The following LCOR variants were observed in gnomAD, a reference collection of about 807,000 sequenced individuals.
LCOR encodes the protein ligand-dependent corepressor.
A neutral mutation model predicts 64.4 loss-of-function variants in LCOR; 14 were observed. The observed-to-expected ratio is 0.22, with a 90% CI of 0.14 to 0.34. The LOEUF (loss-of-function observed/expected upper bound fraction) is 0.34, where lower values mean the gene tolerates loss of function less well. LCOR is among the 10% of genes least tolerant of loss of function. The pLI, the probability that LCOR is intolerant of heterozygous loss-of-function variation, is 1.00. For synonymous variants in LCOR, 643 were observed against 642.5 expected (o/e 1.00, Z -0.01); for missense variants, 1,686 against 1,765.3 (o/e 0.96, Z 0.80).
chr10:96,956,074 AT>A, intron 7 of LCOR: 4 of 1,439,584 alleles, frequency 2.8e-6, no homozygotes, highest in Non-Finnish European at 3.6e-6. Context: ...TGAAATGTGC[AT>A]TCTGAATGTT....
At position 96,991,432 on chromosome 10, in the gene LCOR, C is replaced by T. The variant is rs1314327238; in HGVS notation, c.*6298C>T. ...CTTCATTTTTATGAATCAGAGTGAA[C>T]TTGACTGTGGTAGACATTCCATTAA... On this transcript the variant is annotated 3_prime_UTR_variant, in exon 8 of 8. Coordinates refer to ENST00000421806, the MANE Select transcript of LCOR (RefSeq NM_001346516.2). The T allele has an allele frequency of 6.6e-6, 1 of 152,166 alleles. No individual in the cohort carries two copies. The highest frequency in any genetic ancestry group is 6.5e-5 in the Admixed American group (1 of 15,280). 9.4% of individuals were successfully genotyped at this position (152,166 alleles called of 1,614,324 possible). A position where few individuals can be genotyped will look rare whatever the true frequency, so the allele number is the denominator to read the frequency against.
At chr10:96,862,174 A>C (rs1025527977) in intron 2 of LCOR, among the ~76,000 whole-genome samples, 43 of 151,706 alleles carry the variant, frequency 2.8e-4, no homozygotes, top group Non-Finnish European at 2.8e-4. Context: ...TGGGCACACT[A>C]CTCTCCAGGA....
intron 2 of LCOR, among the ~76,000 whole-genome samples, chr10:96,887,061 T>G (rs953396854): frequency 6.6e-6 from 1 of 152,196 alleles, no homozygotes; most frequent in Non-Finnish European, 1.5e-5. Context: ...AGGTCAGAAT[T>G]CTTTTCATGA....
intron 4 of LCOR, among the ~76,000 whole-genome samples, chr10:96,934,521 A>G (rs992401621): frequency 2.0e-4 from 30 of 152,192 alleles, no homozygotes; most frequent in Non-Finnish European, 3.8e-4. Flanking sequence ...GAGCCAGCCA[A>G]TCTAGGTGGC....
At chr10:96,839,747 G>A (rs897616248) in intron 2 of LCOR, among the ~76,000 whole-genome samples, 3 of 151,702 alleles carry the variant, frequency 2.0e-5, no homozygotes, top group Admixed American at 6.6e-5. Context: ...CTGCAGTGGC[G>A]TGATCATGGC....
chr10:96,871,728 T>G (rs1429290449), intron 2 of LCOR, among the ~76,000 whole-genome samples: 1 of 152,122 alleles, frequency 6.6e-6, no homozygotes, highest in Non-Finnish European at 1.5e-5. Context: ...GCCTGGCCTA[T>G]TTAGACCTTT....
intron 4 of LCOR, among the ~76,000 whole-genome samples, chr10:96,924,741 G>T (rs549083204): frequency 6.6e-6 from 1 of 152,136 alleles, no homozygotes. Context: ...ATGAAAATAA[G>T]TTGTGGACAT....
chr10:96,871,272 G>C (rs887481677), intron 2 of LCOR, among the ~76,000 whole-genome samples: 1 of 150,520 alleles, frequency 6.6e-6, no homozygotes, highest in Non-Finnish European at 1.5e-5. Context: ...GCCCAGGCTA[G>C]TCTCAAACTC....
chr10:96,899,319 A>G (rs988530563), intron 2 of LCOR, among the ~76,000 whole-genome samples: 2 of 152,178 alleles, frequency 1.3e-5, no homozygotes, highest in Non-Finnish European at 2.9e-5. Context: ...AGAATTATAA[A>G]TATCTTAACG....
chr10:96,956,385 C>G (rs1189447430), intron 7 of LCOR: 1 of 984,986 alleles, frequency 1.0e-6, no homozygotes, highest in African/African-American at 1.7e-5. Context: ...AAATTATTCA[C>G]ATTTTTCATC....
intron 2 of LCOR, among the ~76,000 whole-genome samples, chr10:96,891,530 CTTTTTTTTTTTTTTTTTTT>C (rs71007307): frequency 3.9e-4 from 3 of 7,644 alleles, no homozygotes; most frequent in Admixed American, 3.3e-3. Flanking sequence ...TGTCTTGACT[CTTTTTTTTTTTTTTTTTTT>C]TTTTTTTTTT....
chr10:96,965,433 C>T (rs1847938647), intron 7 of LCOR, among the ~76,000 whole-genome samples: 1 of 150,776 alleles, frequency 6.6e-6, no homozygotes, highest in Non-Finnish European at 1.5e-5. Flanking sequence ...GAGGCCGAGG[C>T]GAGCGGATCA....
intron 7 of LCOR, among the ~76,000 whole-genome samples, chr10:96,966,411 G>T (rs1847951671): frequency 1.3e-5 from 2 of 151,584 alleles, no homozygotes; most frequent in Admixed American, 1.3e-4. Flanking sequence ...TGTATTTTTA[G>T]TAGAAACGGG....
Position 96,982,732 on chromosome 10 carries a change from C to T in LCOR, c.2272C>T (p.Pro758Ser). 6.2e-7 allele frequency: 1 copy of T among 1,614,084 alleles called. No individual in the cohort carries two copies. The highest frequency in any genetic ancestry group is 1.1e-5 in the South Asian group (1 of 91,076). Residue 758 changes from proline to serine, a missense_variant, in exon 8 of 8, where the codon CCC becomes TCC. Pro to Ser is a moderately conservative substitution (Grantham distance 74). This residue lies in a region of LCOR where 1,293 missense variants were observed against 1,410.4 expected (regional missense o/e 0.92). Transcript: ENST00000421806. ...KESSTFTDEN[P>S]SETEESEAAG... ...AAGCAGCACTTTTACTGATGAAAAC[C>T]CCAGTGAAACTGAGGAAAGTGAGGC... is the stretch of plus-strand genomic sequence containing the variant.
intron 2 of LCOR, among the ~76,000 whole-genome samples, chr10:96,862,498 T>C (rs984339125): frequency 2.0e-5 from 3 of 152,146 alleles, no homozygotes; most frequent in Non-Finnish European, 4.4e-5. Context: ...ACTCCTGACC[T>C]CAGGTGATCC....
At chr10:96,883,327 C>T (rs1262339778) in intron 2 of LCOR, among the ~76,000 whole-genome samples, 1 of 152,216 alleles carries the variant, frequency 6.6e-6, no homozygotes, top group Non-Finnish European at 1.5e-5. Flanking sequence ...GCCACTGCCC[C>T]AGCCTGTGTG....
In LCOR at chr10:96,839,634, T is replaced by G. The variant is rs188539637; in HGVS notation, c.-330+6155T>G. ...TTGAAATTTAAGATTACATTTTTTT[T>G]GTTTGCATTTTATAAAAACCCAGAC... On this transcript the variant is annotated intron_variant, in intron 2 of 7. Transcript: ENST00000421806. Among the ~76,000 whole-genome samples, 336 of 152,330 alleles carry G rather than the reference T, an allele frequency of 2.2e-3. 3 individuals carry two copies. Among genetic ancestry groups the G allele is most frequent in the Non-Finnish European group, 3.0e-3 (206 of 68,020 alleles).
intron 4 of LCOR, among the ~76,000 whole-genome samples, chr10:96,937,466 C>A (rs1242395835): frequency 6.6e-6 from 1 of 152,094 alleles, no homozygotes; most frequent in East Asian, 1.9e-4. Flanking sequence ...TTTATAAACT[C>A]CCATCAAAGA....
intron 2 of LCOR, among the ~76,000 whole-genome samples, chr10:96,858,280 C>CT (rs1012454289): frequency 1.3e-5 from 2 of 152,096 alleles, no homozygotes; most frequent in African/African-American, 4.8e-5. Context: ...TAATGCTTTC[C>CT]TTTTTGTTCA....
Sources: gnomAD v4.1 joint callset for allele counts (sites outside exome capture counted in the v4.1 genomes callset) on GRCh38, gnomAD v4.1.1 for gene constraint, gnomAD v4.1.1 regional missense constraint, MANE v1.5 for transcripts, NCBI Gene and HGNC (gene_info 2026-07-23, HGNC 2026-07-21) for gene names.